The following NFIB variants were observed in gnomAD, a reference collection of about 807,000 sequenced individuals.
NFIB encodes nuclear factor I B, also known as nuclear factor 1 B-type.
A neutral mutation model predicts 61.5 loss-of-function variants in NFIB; 11 were observed. The observed-to-expected ratio is 0.18, with a 90% CI of 0.11 to 0.30. The LOEUF is 0.30. NFIB is among the 10% of genes least tolerant of loss of function. NFIB has a pLI of 1.00. For missense variants in NFIB, 471 were observed against 608.9 expected, an observed-to-expected ratio of 0.77 and a Z score of 2.38; for synonymous variants, 260 against 216.5, an observed-to-expected ratio of 1.20 and a Z score of -1.76.
At chr9:14,323,342 G>A (rs796864894) in intron 1 of NFIB, among the ~76,000 whole-genome samples, 14 of 152,240 alleles carry the variant, frequency 9.2e-5, no homozygotes, top group African/African-American at 2.9e-4. Context: ...GTTTTGATCA[G>A]CATTTTGGAA....
chr9:14,088,344 G>A lies in NFIB; in HGVS notation c.1468-18C>T. Reference sequence around the variant, plus strand: ...TACCAGGACTGTTGAGAGGAGAGAGGCAGCAGGGAGGGAAGAAAAAAGAAA... The same window carrying A: ...TACCAGGACTGTTGAGAGGAGAGAGACAGCAGGGAGGGAAGAAAAAAGAAA... On this transcript the variant is annotated intron_variant, in intron 10 of 10. Transcript: ENST00000380953. The A allele has an allele frequency of 2.0e-6, 3 of 1,494,316 alleles. No homozygotes were observed. Among genetic ancestry groups the A allele is most frequent in the Non-Finnish European group, 2.7e-6 (3 of 1,111,956 alleles). 92.6% of individuals were successfully genotyped at this position (1,494,316 alleles called of 1,614,324 possible). A position where few individuals can be genotyped will look rare whatever the true frequency, so the allele number is the denominator to read the frequency against.
At chr9:14,155,619 T>C (rs2043303703) in intron 4 of NFIB, among the ~76,000 whole-genome samples, 1 of 152,176 alleles carries the variant, frequency 6.6e-6, no homozygotes, top group South Asian at 2.1e-4. Context: ...CCAAAATTAT[T>C]TTTGTACAAC....
the NFIB span, among the ~76,000 whole-genome samples, chr9:14,459,356 A>T: frequency 1.1e-4 from 16 of 152,344 alleles, no homozygotes; most frequent in African/African-American, 3.6e-4. Flanking sequence ...CACCTTACAC[A>T]AAAACTAATT....
At chr9:14,482,289 G>A in the NFIB span, among the ~76,000 whole-genome samples, 1 of 152,076 alleles carries the variant, frequency 6.6e-6, no homozygotes, top group Non-Finnish European at 1.5e-5. Flanking sequence ...CCCTGACCAA[G>A]GGCATAGTTA....
intron 2 of NFIB, among the ~76,000 whole-genome samples, chr9:14,278,289 G>A (rs979862232): frequency 6.6e-6 from 1 of 152,186 alleles, no homozygotes; most frequent in African/African-American, 2.4e-5. Context: ...AAGTTCACAG[G>A]AACCATGAGG....
chr9:14,516,322 G>A, the NFIB span, among the ~76,000 whole-genome samples: 1 of 152,220 alleles, frequency 6.6e-6, no homozygotes, highest in Non-Finnish European at 1.5e-5. Flanking sequence ...TGCCCAGTGT[G>A]TGGGCTTTAT....
chr9:14,322,967 A>C (rs1258891710), intron 1 of NFIB, among the ~76,000 whole-genome samples: 1 of 152,056 alleles, frequency 6.6e-6, no homozygotes, highest in Non-Finnish European at 1.5e-5. Context: ...TGGAGCAGGA[A>C]CCCGGCCGAA....
chr9:14,522,406 G>A, the NFIB span, among the ~76,000 whole-genome samples: 5 of 152,094 alleles, frequency 3.3e-5, no homozygotes, highest in South Asian at 2.1e-4. Flanking sequence ...CCTCACATAC[G>A]ATAATTAACA....
intron 2 of NFIB, among the ~76,000 whole-genome samples, chr9:14,277,520 T>C (rs1213269739): frequency 6.6e-6 from 1 of 152,206 alleles, no homozygotes; most frequent in Non-Finnish European, 1.5e-5. Flanking sequence ...GTAGCGACAA[T>C]GGTCTAGTCT....
intron 1 of NFIB, among the ~76,000 whole-genome samples, chr9:14,339,133 C>T (rs2060920166): frequency 6.6e-6 from 1 of 152,124 alleles, no homozygotes; most frequent in Non-Finnish European, 1.5e-5. Flanking sequence ...AGATCTGTAG[C>T]AAGTATCCTG....
the NFIB span, among the ~76,000 whole-genome samples, chr9:14,414,965 T>G: frequency 2.0e-5 from 3 of 152,186 alleles, no homozygotes; most frequent in Non-Finnish European, 4.4e-5. Context: ...ACCACACATT[T>G]AACAGCTTAA....
At chr9:14,145,775 T>G (rs1651648503) in intron 6 of NFIB, among the ~76,000 whole-genome samples, 1 of 151,602 alleles carries the variant, frequency 6.6e-6, no homozygotes, top group Non-Finnish European at 1.5e-5. Flanking sequence ...CTCAGCCTCC[T>G]GAGTAGCTGA....
intron 5 of NFIB, among the ~76,000 whole-genome samples, chr9:14,148,741 C>T (rs925849119): frequency 5.3e-5 from 8 of 152,236 alleles, no homozygotes; most frequent in African/African-American, 1.9e-4. Flanking sequence ...TGCCTGAGTA[C>T]ATTTGTAGAT....
At chr9:14,255,735 C>A (rs1017257851) in intron 2 of NFIB, among the ~76,000 whole-genome samples, 2 of 152,134 alleles carry the variant, frequency 1.3e-5, no homozygotes, top group African/African-American at 4.8e-5. Context: ...TATAAATAAC[C>A]TTTTAACAAT....
At chr9:14,476,257 T>C in the NFIB span, among the ~76,000 whole-genome samples, 8 of 151,954 alleles carry the variant, frequency 5.3e-5, no homozygotes, top group African/African-American at 1.9e-4. Flanking sequence ...TTTTTTTTTT[T>C]TTTCACCTGG....
chr9:14,193,472 T>A (rs1394226595), intron 2 of NFIB, among the ~76,000 whole-genome samples: 1 of 152,182 alleles, frequency 6.6e-6, no homozygotes, highest in Non-Finnish European at 1.5e-5. Flanking sequence ...TGCACCACTA[T>A]ACATCAACGT....
intron 1 of NFIB, among the ~76,000 whole-genome samples, chr9:14,347,558 G>A (rs372140888): frequency 5.9e-5 from 9 of 152,192 alleles, no homozygotes; most frequent in African/African-American, 2.2e-4. Context: ...GGGCGGGTGT[G>A]GAGGGAGTGA....
At chr9:14,481,829 CT>C in the NFIB span, among the ~76,000 whole-genome samples, 2 of 152,132 alleles carry the variant, frequency 1.3e-5, no homozygotes, top group Admixed American at 6.6e-5. Flanking sequence ...AGAAATCATG[CT>C]TTTTGGTCCC....
the NFIB span, among the ~76,000 whole-genome samples, chr9:14,520,493 G>C: frequency 1.3e-5 from 2 of 152,212 alleles, no homozygotes; most frequent in Non-Finnish European, 2.9e-5. Flanking sequence ...CACCTCAGTG[G>C]AATGTTCTGC....
Sources: gnomAD v4.1 joint callset for allele counts (sites outside exome capture counted in the v4.1 genomes callset) on GRCh38, gnomAD v4.1.1 for gene constraint, MANE v1.5 for transcripts, NCBI Gene and HGNC (gene_info 2026-07-23, HGNC 2026-07-21) for gene names.